The following TEX14 variants were observed in gnomAD, a reference collection of about 807,000 sequenced individuals.
The protein encoded by TEX14 is testis expressed 14, intercellular bridge forming factor.
TEX14 carries 168 observed loss-of-function variants against 178.6 expected under a neutral mutation model. The observed-to-expected ratio is 0.94, with a 90% CI of 0.83 to 1.07. The LOEUF is 1.07. Ranked by LOEUF, TEX14 falls within the 50% of genes least tolerant of loss-of-function variation. The pLI is 0.00. For missense variants in TEX14, 1,730 were observed against 1,753.6 expected, an observed-to-expected ratio of 0.99 and a Z score of 0.24; for synonymous variants, 626 against 634.1, an observed-to-expected ratio of 0.99 and a Z score of 0.19.
At chr17:58,627,800 C>T (rs762687333) in intron 3 of TEX14, among the ~76,000 whole-genome samples, 22 of 142,688 alleles carry the variant, frequency 1.5e-4, no homozygotes, top group Non-Finnish European at 2.8e-4. Flanking sequence ...GTGGGAAAAA[C>T]TGAAGAAAAA....
chr17:58,557,914 TA>T, intron 30 of TEX14, 64 bp from the exon 31 acceptor site: 1 of 1,290,944 alleles, frequency 7.7e-7, no homozygotes, highest in Non-Finnish European at 1.1e-6. Flanking sequence ...AGGGTGCCAG[TA>T]TTCATATTAG....
At chr17:58,638,356 T>TA (rs11307937) in intron 2 of TEX14, among the ~76,000 whole-genome samples, 24 of 150,246 alleles carry the variant, frequency 1.6e-4, no homozygotes, top group South Asian at 4.2e-4. Flanking sequence ...TACAATAAAT[T>TA]AAAAAAAAAA....
rs1173648272 is a variant in TEX14 at position 58,630,930 on chromosome 17, A to G, written c.137-376T>C. Among the ~76,000 whole-genome samples, 2 of 152,184 alleles carry G rather than the reference A, an allele frequency of 1.3e-5. 1 individual carries two copies. The highest frequency in any genetic ancestry group is 2.9e-5 in the Non-Finnish European group (2 of 68,038). ...TCAATGGAATACAAGTCCTCACCTA[A>G]AAGATCTTACTAAAGTGTAAAGACT... On this transcript the variant is annotated intron_variant, in intron 2 of 31. Coordinates refer to ENST00000349033, the MANE Select transcript of TEX14 (RefSeq NM_031272.5).
intron 1 of TEX14, among the ~76,000 whole-genome samples, chr17:58,657,721 G>A (rs746242120): frequency 6.6e-6 from 1 of 151,840 alleles, no homozygotes; most frequent in Admixed American, 6.6e-5. Context: ...GTTCATTCCC[G>A]GGTGTAGGCT....
intron 1 of TEX14, among the ~76,000 whole-genome samples, chr17:58,663,256 C>G (rs888285286): frequency 5.3e-5 from 8 of 151,786 alleles, no homozygotes; most frequent in African/African-American, 1.9e-4. Flanking sequence ...AACCCTGTCT[C>G]TACTAAAAAT....
chr17:58,599,064 T>C lies in TEX14; in HGVS notation c.2281A>G (p.Lys761Glu). ...IEQILDEVEM[K>E]QKEQEERMSL... ...ATGCGCTCTTCCTGTTCCTTCTGTT[T>C]CATCTCGACTTCATCTAATATCTGC... Residue 761 changes from lysine (K) to glutamate (E), a missense_variant, in exon 14 of 32, where the codon AAA becomes GAA. By Grantham distance (56) the Lys-to-Glu change is moderately conservative. Coordinates refer to ENST00000349033, the MANE Select transcript of TEX14 (RefSeq NM_031272.5). 2 of 1,614,216 alleles carry C rather than the reference T, an allele frequency of 1.2e-6. No homozygotes were observed. The highest frequency in any genetic ancestry group is 1.7e-6 in the Non-Finnish European group (2 of 1,180,032).
In TEX14 at chr17:58,586,096, A is replaced by C. The variant is rs1181378227; in HGVS notation, c.2789-14T>G. The stretch of plus-strand genomic sequence containing the variant: ...CTTTCACCTCCACTGTGCATAAGAG[A>C]AAGCAGCATTTAAAACATCACTGTA... On this transcript the variant is annotated splice_polypyrimidine_tract_variant and intron_variant, in intron 17 of 31. Transcript: ENST00000349033. 1.3e-6 allele frequency: 2 copies of C among 1,599,228 alleles called. No individual in the cohort carries two copies. The highest frequency in any genetic ancestry group is 1.7e-6 in the Non-Finnish European group (2 of 1,170,926).
chr17:58,625,738 A>G (rs2046121636), intron 3 of TEX14, among the ~76,000 whole-genome samples: 1 of 151,994 alleles, frequency 6.6e-6, no homozygotes, highest in African/African-American at 2.4e-5. Context: ...GGGAGCTTTC[A>G]TTTATTTGTT....
At chr17:58,561,495 G>C (rs749190347) in intron 29 of TEX14, 25 bp downstream of exon 29, 1 of 1,498,836 alleles carries the variant, frequency 6.7e-7, no homozygotes, top group South Asian at 1.1e-5. Context: ...AAGAAGAAAA[G>C]GATTCCCCTT....
In TEX14 at chr17:58,586,082, A is replaced by G. The variant is rs1271864499; in HGVS notation, c.2789T>C (p.Met930Thr). The change falls in exon 18 of 32, where the codon ATG becomes ACG. Residue 930 changes from methionine (M) to threonine (T), a missense_variant and splice_region_variant. By Grantham distance (81) the Met-to-Thr change is moderately conservative. Transcript: ENST00000349033. ...DDGKVHLKWK[M>T]EVKEMAKKAA... ...TTTCTTTGCCATTTCTTTCACCTCCACTGTGCATAAGAGAAAGCAGCATTT... is the reference window on the plus strand; with the variant it reads ...TTTCTTTGCCATTTCTTTCACCTCCGCTGTGCATAAGAGAAAGCAGCATTT... 6.2e-7 allele frequency: 1 copy of G among 1,611,594 alleles called. No individual in the cohort carries two copies. The highest frequency in any genetic ancestry group is 8.5e-7 in the Non-Finnish European group (1 of 1,178,264).
At chr17:58,577,492 T>A in intron 20 of TEX14, 36 bp from the exon 21 acceptor site, 1 of 779,774 alleles carries the variant, frequency 1.3e-6, no homozygotes, top group Non-Finnish European at 1.8e-6. Context: ...TATATATATT[T>A]TTTTTTACTG....
intron 1 of TEX14, among the ~76,000 whole-genome samples, chr17:58,664,495 A>G (rs1017380524): frequency 6.6e-6 from 1 of 152,216 alleles, no homozygotes; most frequent in Admixed American, 6.5e-5. Flanking sequence ...CTTCTCATTT[A>G]CTGACAGCCA....
chr17:58,571,853 G>T, intron 24 of TEX14, 68 bp downstream of exon 24: 1 of 1,355,438 alleles, frequency 7.4e-7, no homozygotes, highest in Non-Finnish European at 1.0e-6. Flanking sequence ...GAGAAATCTT[G>T]GCAGTTTGGG....
chr17:58,652,083 A>G (rs1042838446), intron 1 of TEX14, 81 bp from the exon 2 acceptor site: 1 of 1,143,782 alleles, frequency 8.7e-7, no homozygotes, highest in African/African-American at 1.6e-5. Context: ...ACATTTAGAA[A>G]CCTGTCCAGC....
intron 16 of TEX14, 82 bp downstream of exon 16, chr17:58,587,814 A>ACCC (rs1178907700): frequency 1.3e-5 from 17 of 1,261,786 alleles, no homozygotes; most frequent in Non-Finnish European, 4.6e-6. Context: ...AGTTGCACTG[A>ACCC]CCCCTTTGCA....
rs28402697 is a variant in TEX14, at chr17:58,616,963, G to C, written c.636+575C>G. On this transcript the variant is annotated intron_variant, in intron 6 of 31. Transcript: ENST00000349033. Reference sequence around the variant, plus strand: ...GCCTCAACACAACAAACAGAACGGGGAGTAGGGCTGGGCGAGTTGGCTCAC... The same window carrying C: ...GCCTCAACACAACAAACAGAACGGGCAGTAGGGCTGGGCGAGTTGGCTCAC... Among the ~76,000 whole-genome samples the C allele has an allele frequency of 1.2e-3, 179 of 152,264 alleles. 1 individual carries two copies. The highest frequency in any genetic ancestry group is 4.2e-3 in the African/African-American group (176 of 41,578).
At chr17:58,651,761 G>T in intron 2 of TEX14, 105 bp downstream of exon 2, 1 of 1,070,758 alleles carries the variant, frequency 9.3e-7, no homozygotes, top group Non-Finnish European at 1.3e-6. Context: ...TTAATTTCTG[G>T]ATTTCCCCAA....
chr17:58,684,999 G>A (rs1001508569), intron 1 of TEX14, among the ~76,000 whole-genome samples: 9 of 151,958 alleles, frequency 5.9e-5, no homozygotes, highest in African/African-American at 2.2e-4. Context: ...TTGAAGGAAT[G>A]GATGGTTAGA....
chr17:58,586,077 C>T lies in TEX14; in HGVS notation c.2794G>A (p.Val932Met), dbSNP rs201665712. The T allele has an allele frequency of 3.3e-5, 54 of 1,612,310 alleles. No individual in the cohort carries two copies. Among genetic ancestry groups the T allele is most frequent in the Admixed American group, 5.0e-5 (3 of 59,922 alleles). The change falls in exon 18 of 32, where the codon GTG (valine) becomes ATG (methionine). Residue 932 changes from valine (V) to methionine (M), a missense_variant. Physicochemically the swap from Val to Met is conservative, Grantham distance 21. This residue lies in a region of TEX14 where 941 missense variants were observed against 1,072.4 expected (regional missense o/e 0.88). Coordinates refer to ENST00000349033, the MANE Select transcript of TEX14 (RefSeq NM_031272.5). ...GCTGCTTTCTTTGCCATTTCTTTCA[C>T]CTCCACTGTGCATAAGAGAAAGCAG... Reference protein sequence around the residue: ...GKVHLKWKMEVKEMAKKAATG... With the variant: ...GKVHLKWKMEMKEMAKKAATG...
Sources: gnomAD v4.1 joint callset for allele counts (sites outside exome capture counted in the v4.1 genomes callset) on GRCh38, gnomAD v4.1.1 for gene constraint, gnomAD v4.1.1 regional missense constraint, MANE v1.5 for transcripts, NCBI Gene and HGNC (gene_info 2026-07-23, HGNC 2026-07-21) for gene names.